The following PRKG1 variants were observed in gnomAD, a reference collection of about 807,000 sequenced individuals.
PRKG1 encodes cGMP-dependent protein kinase 1.
PRKG1 carries 35 observed loss-of-function variants against 88.1 expected under a neutral mutation model. That is an observed-to-expected ratio of 0.40 (90% CI 0.30 to 0.53). The LOEUF (loss-of-function observed/expected upper bound fraction) is 0.53. PRKG1 is among the 20% of genes least tolerant of loss of function. The probability of loss-of-function intolerance (pLI) is 0.59; values close to 1 mark genes in which losing one functional copy is unlikely to be tolerated. For synonymous variants in PRKG1, 303 were observed against 292.5 expected, an observed-to-expected ratio of 1.04 and a Z score of -0.37; for missense variants, 540 against 839.8, an observed-to-expected ratio of 0.64 and a Z score of 4.41.
rs184249598 is a variant in PRKG1 at position 51,075,932 on chromosome 10, T to C, written c.311+1031T>C. ...CATTTTAAATTAATAGATAATAACGTAATTGATAAAACCAAGGATATTGCT... is the reference window on the plus strand; with the variant it reads ...CATTTTAAATTAATAGATAATAACGCAATTGATAAAACCAAGGATATTGCT... On this transcript the variant is annotated intron_variant, in intron 1 of 17. Coordinates refer to ENST00000373980, the MANE Select transcript of PRKG1 (RefSeq NM_006258.4). 2.9e-4 allele frequency among the ~76,000 whole-genome samples: 44 copies of C among 152,318 alleles called. No homozygotes were observed. The East Asian group carries it at 8.1e-3, about 28-fold the overall frequency.
chr10:51,944,654 G>A (rs1256211432), intron 5 of PRKG1, among the ~76,000 whole-genome samples: 20 of 151,958 alleles, frequency 1.3e-4, no homozygotes, highest in Admixed American at 1.3e-3. Flanking sequence ...GGTATGTTGT[G>A]TCTTTGTTCT....
At chr10:51,083,291 C>G (rs1844159988) in intron 1 of PRKG1, among the ~76,000 whole-genome samples, 1 of 152,188 alleles carries the variant, frequency 6.6e-6, no homozygotes, top group Admixed American at 6.5e-5. Context: ...TCAAATGTGA[C>G]ACACATTAGG....
chr10:52,243,305 G>A (rs1477231271), intron 9 of PRKG1, among the ~76,000 whole-genome samples: 1 of 152,042 alleles, frequency 6.6e-6, no homozygotes, highest in Non-Finnish European at 1.5e-5. Context: ...CAAATATAAG[G>A]ACATTACAAA....
chr10:51,300,490 G>A (rs11596718), intron 2 of PRKG1, among the ~76,000 whole-genome samples: 3,280 of 152,206 alleles, frequency 0.022, 52 homozygotes, highest in Non-Finnish European at 0.031. Context: ...GCTGAGTTCC[G>A]ATTTAAATAT....
At chr10:51,189,119 A>C (rs1204142329) in intron 2 of PRKG1, among the ~76,000 whole-genome samples, 1 of 151,836 alleles carries the variant, frequency 6.6e-6, no homozygotes, top group Non-Finnish European at 1.5e-5. Flanking sequence ...TGGCATCTCA[A>C]GCTCTTCTTT....
At position 51,628,004 on chromosome 10, in the gene PRKG1, CTCTCTCTTTCTTTCTT is replaced by C. The variant is rs1435063897; in HGVS notation, c.592+160172_592+160187del. On this transcript the variant is annotated intron_variant, in intron 3 of 17. Transcript: ENST00000373980. The stretch of plus-strand genomic sequence containing the variant: ...TCTTTCTTTCTTTCTCTCTCTCTCT[CTCTCTCTTTCTTTCTT>C]TCTTTCTTTCTTTCTTTCCTTCCTT... Among the ~76,000 whole-genome samples, 49 of 44,146 alleles carry C rather than the reference CTCTCTCTTTCTTTCTT, an allele frequency of 1.1e-3. 2 individuals carry two copies. The highest frequency in any genetic ancestry group is 4.1e-3 in the Admixed American group (16 of 3,922). The allele number at this position is 44,146 out of a possible 152,430, so 29.0% of individuals were successfully genotyped here. A position where few individuals can be genotyped will look rare whatever the true frequency, so the allele number is the denominator to read the frequency against.
intron 1 of PRKG1, among the ~76,000 whole-genome samples, chr10:50,996,715 C>T (rs1842840407): frequency 6.6e-6 from 1 of 152,182 alleles, no homozygotes; most frequent in Non-Finnish European, 1.5e-5. Context: ...TTTGAATACC[C>T]TTTGCTATTT....
intron 3 of PRKG1, among the ~76,000 whole-genome samples, chr10:51,710,825 C>T (rs1003487018): frequency 7.2e-5 from 11 of 152,020 alleles, no homozygotes; most frequent in African/African-American, 2.4e-4. Flanking sequence ...CATGATATAT[C>T]GTCCTGTTTT....
At chr10:52,204,527 C>T (rs1262558698) in intron 9 of PRKG1, among the ~76,000 whole-genome samples, 1 of 152,114 alleles carries the variant, frequency 6.6e-6, no homozygotes, top group Non-Finnish European at 1.5e-5. Flanking sequence ...TTTATTAGTA[C>T]CCCAAATTAA....
At chr10:51,884,298 A>G (rs1841509608) in intron 4 of PRKG1, among the ~76,000 whole-genome samples, 1 of 149,162 alleles carries the variant, frequency 6.7e-6, no homozygotes, top group Admixed American at 6.7e-5. Context: ...TACAAAAATT[A>G]GCCAGGCGTG....
chr10:52,251,761 C>T (rs1203240054), intron 10 of PRKG1, 95 bp downstream of exon 10: 3 of 1,035,886 alleles, frequency 2.9e-6, no homozygotes, highest in Non-Finnish European at 4.3e-6. Context: ...CTTGTTTTGT[C>T]TTTCATCATT....
chr10:51,025,586 G>T (rs183896492), intron 1 of PRKG1, among the ~76,000 whole-genome samples: 127 of 152,268 alleles, frequency 8.3e-4, no homozygotes, highest in Middle Eastern at 3.4e-3. Context: ...CTATGCTGGT[G>T]TCCCTTTCCC....
rs186292864 is a variant in PRKG1, at chr10:51,314,055, T to C, written c.479-153668T>C. Among the ~76,000 whole-genome samples the C allele has an allele frequency of 4.6e-5, 7 of 152,324 alleles. No individual in the cohort carries two copies. In the East Asian group the frequency reaches 1.3e-3, roughly 29 times the overall value. ...TGATGAGGTCTAATCTTTCTTGACATGAGGCAGGCTGGTCCTCACCTTTTT... is the reference window on the plus strand; with the variant it reads ...TGATGAGGTCTAATCTTTCTTGACACGAGGCAGGCTGGTCCTCACCTTTTT... On this transcript the variant is annotated intron_variant, in intron 2 of 17. Coordinates refer to ENST00000373980, the MANE Select transcript of PRKG1 (RefSeq NM_006258.4).
chr10:51,783,841 G>A (rs10466019), intron 3 of PRKG1, among the ~76,000 whole-genome samples: 13,310 of 152,134 alleles, frequency 0.087, 634 homozygotes, highest in Non-Finnish European at 0.093. Flanking sequence ...ACATTGTTTT[G>A]CAACTGAGAC....
intron 2 of PRKG1, among the ~76,000 whole-genome samples, chr10:51,329,377 A>T (rs1020644222): frequency 4.5e-4 from 69 of 152,066 alleles, no homozygotes; most frequent in African/African-American, 1.6e-3. Context: ...TTGGCTGTAA[A>T]TGTGGAGATT....
At chr10:51,634,582 C>T (rs1839608629) in intron 3 of PRKG1, among the ~76,000 whole-genome samples, 1 of 152,020 alleles carries the variant, frequency 6.6e-6, no homozygotes, top group Admixed American at 6.6e-5. Context: ...AAGGACCCTA[C>T]CTAGATACTG....
chr10:51,281,361 C>A (rs1430251123), intron 2 of PRKG1, among the ~76,000 whole-genome samples: 2 of 152,176 alleles, frequency 1.3e-5, no homozygotes, highest in Non-Finnish European at 2.9e-5. Context: ...AAACTCCATA[C>A]TGGGAGAACC....
chr10:51,827,097 A>G (rs1027777238), intron 4 of PRKG1, among the ~76,000 whole-genome samples: 10 of 152,168 alleles, frequency 6.6e-5, no homozygotes, highest in African/African-American at 2.4e-4. Context: ...AACAAAGCAA[A>G]GTTTCCCAAA....
chr10:51,972,607 A>G (rs1277426312), intron 5 of PRKG1, among the ~76,000 whole-genome samples: 2 of 152,202 alleles, frequency 1.3e-5, no homozygotes, highest in Non-Finnish European at 1.5e-5. Context: ...ATTATTAAAC[A>G]GTAGATTAAT....
Sources: gnomAD v4.1 joint callset for allele counts (sites outside exome capture counted in the v4.1 genomes callset) on GRCh38, gnomAD v4.1.1 for gene constraint, MANE v1.5 for transcripts, NCBI Gene and HGNC (gene_info 2026-07-23, HGNC 2026-07-21) for gene names.